Variants in CNTN4 observed in about 807,000 individuals in gnomAD.
The protein encoded by CNTN4 is contactin 4.
In CNTN4, 77 loss-of-function variants were observed where a neutral mutation model predicts 122.5. The observed-to-expected ratio is 0.63, with a 90% CI of 0.52 to 0.76. The LOEUF (loss-of-function observed/expected upper bound fraction) is 0.76, where lower values mean the gene tolerates loss of function less well. CNTN4 is among the 30% of genes least tolerant of loss of function. The pLI is 0.00. For missense variants in CNTN4, 1,256 were observed against 1,259.1 expected, an observed-to-expected ratio of 1.00 and a Z score of 0.04; for synonymous variants, 512 against 447.0, an observed-to-expected ratio of 1.15 and a Z score of -1.83.
At chr3:2,960,521 C>A (rs1270853223) in intron 13 of CNTN4, among the ~76,000 whole-genome samples, 1 of 151,978 alleles carries the variant, frequency 6.6e-6, no homozygotes. Context: ...AACATTTAGA[C>A]CTGTAGAAGA....
chr3:2,412,305 G>A (rs1393236250), intron 3 of CNTN4, among the ~76,000 whole-genome samples: 2 of 151,616 alleles, frequency 1.3e-5, no homozygotes, highest in East Asian at 3.9e-4. Flanking sequence ...AGGCTGGAGT[G>A]CAGTGGCGCT....
intron 7 of CNTN4, among the ~76,000 whole-genome samples, chr3:2,857,891 T>G (rs4684365): frequency 0.32 from 48,169 of 152,142 alleles, 7,782 homozygotes; most frequent in Middle Eastern, 0.38. Context: ...AAAATACTCA[T>G]ATTAGCTTAT....
chr3:2,155,084 A>C (rs1229398110), intron 2 of CNTN4, among the ~76,000 whole-genome samples: 2 of 152,186 alleles, frequency 1.3e-5, no homozygotes, highest in Non-Finnish European at 2.9e-5. Flanking sequence ...TAATTTAACT[A>C]TTTTTCCCCT....
chr3:2,974,932 A>G (rs895239390), intron 13 of CNTN4, among the ~76,000 whole-genome samples: 5 of 152,202 alleles, frequency 3.3e-5, no homozygotes, highest in Non-Finnish European at 7.4e-5. Flanking sequence ...CATGGCCAAT[A>G]TTGCTATTTG....
intron 12 of CNTN4, 30 bp from the exon 13 acceptor site, chr3:2,925,599 A>G (rs201402367): frequency 3.1e-6 from 5 of 1,605,662 alleles, no homozygotes; most frequent in East Asian, 2.2e-5. Context: ...GCTGTCTTGC[A>G]TAATAATTAT....
chr3:2,986,665 C>A (rs992048062), intron 13 of CNTN4, among the ~76,000 whole-genome samples: 9 of 152,178 alleles, frequency 5.9e-5, no homozygotes, highest in Non-Finnish European at 7.3e-5. Flanking sequence ...CCATCCTAGA[C>A]CCCTGTTTCA....
intron 9 of CNTN4, among the ~76,000 whole-genome samples, chr3:2,883,962 G>T (rs1199672558): frequency 2.0e-5 from 3 of 152,186 alleles, no homozygotes; most frequent in African/African-American, 7.2e-5. Flanking sequence ...ACTATTATCT[G>T]AAGTGAGAAT....
intron 2 of CNTN4, among the ~76,000 whole-genome samples, chr3:2,170,128 T>C (rs796178255): frequency 1.2e-4 from 18 of 151,868 alleles, no homozygotes; most frequent in African/African-American, 2.9e-4. Context: ...GAGACCATCC[T>C]GGCTAACACG....
At chr3:2,796,962 C>T (rs564971094) in intron 6 of CNTN4, among the ~76,000 whole-genome samples, 1 of 152,172 alleles carries the variant, frequency 6.6e-6, no homozygotes, top group Non-Finnish European at 1.5e-5. Context: ...TAAGAGTATT[C>T]CCAAACTGGT....
chr3:2,879,984 C>A (rs1358696927), intron 8 of CNTN4, among the ~76,000 whole-genome samples: 1 of 152,100 alleles, frequency 6.6e-6, no homozygotes, highest in Non-Finnish European at 1.5e-5. Context: ...GAAAGGCAGG[C>A]AGTAAGTAGG....
intron 6 of CNTN4, among the ~76,000 whole-genome samples, chr3:2,788,080 A>G (rs1263244187): frequency 6.6e-6 from 1 of 152,106 alleles, no homozygotes; most frequent in Admixed American, 6.6e-5. Flanking sequence ...CCCGGCCTAT[A>G]GTATTAATAA....
intron 2 of CNTN4, among the ~76,000 whole-genome samples, chr3:2,104,435 T>C (rs2032264863): frequency 6.6e-6 from 1 of 152,214 alleles, no homozygotes; most frequent in Non-Finnish European, 1.5e-5. Context: ...TGTGTGGTAG[T>C]TCAGTACTCA....
intron 3 of CNTN4, among the ~76,000 whole-genome samples, chr3:2,528,128 G>A (rs966021530): frequency 6.6e-6 from 1 of 152,054 alleles, no homozygotes. Flanking sequence ...TCCTCTTGTC[G>A]CTGAATTGGT....
chr3:2,645,035 A>G (rs2083059030), intron 4 of CNTN4, among the ~76,000 whole-genome samples: 1 of 151,932 alleles, frequency 6.6e-6, no homozygotes, highest in Non-Finnish European at 1.5e-5. Flanking sequence ...GATTGTACCA[A>G]AAGCATTTGA....
intron 6 of CNTN4, among the ~76,000 whole-genome samples, chr3:2,793,527 T>C (rs73126669): frequency 0.033 from 5,061 of 152,186 alleles, 280 homozygotes; most frequent in African/African-American, 0.11. Context: ...GTGGTTTTGG[T>C]TTAATGAAAG....
At chr3:2,361,839 A>G (rs2045156422) in intron 3 of CNTN4, among the ~76,000 whole-genome samples, 1 of 152,222 alleles carries the variant, frequency 6.6e-6, no homozygotes, top group South Asian at 2.1e-4. Flanking sequence ...CAGGATAGAC[A>G]CATTGTTCTC....
chr3:2,446,558 G>A (rs573391756), intron 3 of CNTN4, among the ~76,000 whole-genome samples: 2 of 152,150 alleles, frequency 1.3e-5, no homozygotes, highest in Admixed American at 6.5e-5. Flanking sequence ...TCATCTTCCA[G>A]TACATTATCC....
rs145998564 is a variant in CNTN4 at position 2,913,734 on chromosome 3, A to G, written c.1207+10729A>G. ...AGGATACTTTGATACTCTATTTTCA[A>G]TCATGGATAGAACAGTCAGACAAAA... On this transcript the variant is annotated intron_variant, in intron 12 of 24. Transcript: ENST00000418658. 5.9e-5 allele frequency among the ~76,000 whole-genome samples: 9 copies of G among 152,360 alleles called. No individual in the cohort carries two copies. In the East Asian group the frequency reaches 1.4e-3, roughly 23 times the overall value.
intron 2 of CNTN4, among the ~76,000 whole-genome samples, chr3:2,118,843 C>T (rs1230285486): frequency 1.3e-5 from 2 of 152,186 alleles, no homozygotes; most frequent in African/African-American, 4.8e-5. Context: ...AAAGTACATG[C>T]CTTTGCATCT....
Sources: allele counts gnomAD v4.1 joint callset (sites outside exome capture counted in the v4.1 genomes callset), GRCh38; gene constraint gnomAD v4.1.1; transcripts MANE v1.5; gene names NCBI Gene and HGNC (gene_info 2026-07-23, HGNC 2026-07-21).